Variants in PPP2R2B observed in about 807,000 individuals in gnomAD.
The protein encoded by PPP2R2B is protein phosphatase 2 regulatory subunit Bbeta, also known as serine/threonine-protein phosphatase 2A 55 kDa regulatory subunit B beta isoform.
In PPP2R2B, 5 loss-of-function variants were observed where a neutral mutation model predicts 46.0. That is an observed-to-expected ratio of 0.11 (90% CI 0.06 to 0.23). The LOEUF is 0.23. PPP2R2B is among the 10% of genes least tolerant of loss of function. PPP2R2B has a pLI of 1.00. For missense variants in PPP2R2B, 367 were observed against 575.0 expected, an observed-to-expected ratio of 0.64 and a Z score of 3.70; for synonymous variants, 215 against 206.7, an observed-to-expected ratio of 1.04 and a Z score of -0.34.
intron 5 of PPP2R2B, among the ~76,000 whole-genome samples, 196 bp from the exon 6 acceptor site, chr5:146,650,920 C>T (rs549013790): frequency 2.0e-5 from 3 of 152,332 alleles, no homozygotes; most frequent in Non-Finnish European, 4.4e-5. Context: ...CAAAAGATAT[C>T]ACCATCACTT....
At position 146,589,831 on chromosome 5, in the gene PPP2R2B, C is replaced by A. The variant is rs1018383222; in HGVS notation, c.*116G>T. 4 of 1,090,222 alleles carry A rather than the reference C, an allele frequency of 3.7e-6. No individual in the cohort carries two copies. In the African/African-American group the frequency reaches 4.7e-5, roughly 13 times the overall value. The allele number at this position is 1,090,222 out of a possible 1,614,324, so 67.5% of individuals were successfully genotyped here. On this transcript the variant is annotated 3_prime_UTR_variant, in exon 10 of 10. Coordinates refer to ENST00000394411, the MANE Select transcript of PPP2R2B (RefSeq NM_181675.4). ...GGACTCCTTTTAATTCTATTCCAAT[C>A]ATTTCCTGTATAGGGAAATTAAAGT... is the stretch of plus-strand genomic sequence containing the variant.
chr5:146,859,995 T>C (rs1278670383), intron 2 of PPP2R2B, among the ~76,000 whole-genome samples: 8 of 152,338 alleles, frequency 5.3e-5, no homozygotes, highest in East Asian at 3.9e-4. Context: ...TTCCATCTTA[T>C]TGGAGAGATT....
intron 2 of PPP2R2B, among the ~76,000 whole-genome samples, chr5:146,793,149 T>C (rs368945265): frequency 1.5e-4 from 23 of 152,290 alleles, no homozygotes; most frequent in South Asian, 8.3e-4. Context: ...GCATTGCATG[T>C]GGAGTGTGAA....
intron 2 of PPP2R2B, among the ~76,000 whole-genome samples, chr5:146,789,719 A>G (rs1323254697): frequency 6.6e-6 from 1 of 152,098 alleles, no homozygotes; most frequent in African/African-American, 2.4e-5. Flanking sequence ...GTGGTATAAG[A>G]TAATGATAAT....
intron 2 of PPP2R2B, among the ~76,000 whole-genome samples, chr5:146,838,840 C>T (rs1246052713): frequency 1.3e-5 from 2 of 152,160 alleles, no homozygotes; most frequent in Admixed American, 6.5e-5. Flanking sequence ...GAAACAAAAA[C>T]AAATGACTGC....
chr5:146,707,558 G>C (rs1290039101), intron 2 of PPP2R2B: 1 of 716,578 alleles, frequency 1.4e-6, no homozygotes, highest in Non-Finnish European at 2.6e-6. Context: ...CCGGGTGCCA[G>C]AGGTGGACAC....
intron 2 of PPP2R2B, among the ~76,000 whole-genome samples, chr5:147,063,067 G>C (rs1283503202): frequency 2.0e-5 from 3 of 148,678 alleles, no homozygotes. Flanking sequence ...GAAGAGAAGA[G>C]AAGGGAAAGG....
chr5:146,820,126 G>T (rs1383953555), intron 2 of PPP2R2B, among the ~76,000 whole-genome samples: 1 of 152,156 alleles, frequency 6.6e-6, no homozygotes, highest in Non-Finnish European at 1.5e-5. Flanking sequence ...AAGTTCTGGT[G>T]TTCTGTTGCA....
chr5:146,605,143 A>C (rs1283459201), intron 7 of PPP2R2B, among the ~76,000 whole-genome samples: 2 of 152,142 alleles, frequency 1.3e-5, no homozygotes, highest in Non-Finnish European at 2.9e-5. Context: ...GTACTTTTCC[A>C]CAAATTAGTC....
At chr5:146,838,265 C>A (rs2151363269) in intron 2 of PPP2R2B, among the ~76,000 whole-genome samples, 1 of 152,066 alleles carries the variant, frequency 6.6e-6, no homozygotes, top group South Asian at 2.1e-4. Context: ...TAGGGGATTT[C>A]CCAAGGTTAC....
intron 2 of PPP2R2B, among the ~76,000 whole-genome samples, chr5:146,871,563 G>A (rs1761618316): frequency 6.6e-6 from 1 of 152,198 alleles, no homozygotes; most frequent in African/African-American, 2.4e-5. Flanking sequence ...TCTGTTACTG[G>A]GTCGTAGAAT....
At chr5:147,068,359 T>C (rs1248145737) in intron 2 of PPP2R2B, among the ~76,000 whole-genome samples, 5 of 152,294 alleles carry the variant, frequency 3.3e-5, no homozygotes, top group Admixed American at 2.0e-4. Context: ...AGTCGTTTCA[T>C]TGGGATTCAA....
intron 5 of PPP2R2B, among the ~76,000 whole-genome samples, chr5:146,655,860 T>C (rs1204541889): frequency 1.5e-5 from 2 of 133,456 alleles, no homozygotes; most frequent in Non-Finnish European, 3.0e-5. Flanking sequence ...ACTACCAAGC[T>C]AGGCAGGGCT....
At chr5:147,015,109 T>G (rs1299332747) in intron 1 of PPP2R2B, among the ~76,000 whole-genome samples, 1 of 152,082 alleles carries the variant, frequency 6.6e-6, no homozygotes, top group Admixed American at 6.6e-5. Flanking sequence ...GGCAGGGATT[T>G]TTGTTGTTTT....
intron 6 of PPP2R2B, among the ~76,000 whole-genome samples, chr5:146,646,351 G>A (rs888151764): frequency 6.6e-6 from 1 of 152,154 alleles, no homozygotes; most frequent in African/African-American, 2.4e-5. Flanking sequence ...TCATAAAGAA[G>A]CAACATCTTT....
chr5:147,008,919 G>A (rs1444506057), intron 1 of PPP2R2B, among the ~76,000 whole-genome samples: 1 of 152,198 alleles, frequency 6.6e-6, no homozygotes, highest in Admixed American at 6.6e-5. Context: ...AAAAGCATCA[G>A]TGTGGGAAGT....
At position 146,734,609 on chromosome 5, in the gene PPP2R2B, T is replaced by C. The variant is rs909597937; in HGVS notation, c.71-33467A>G. ...CCAGTATTACCCCTCATCCTGGCCA[T>C]ATTCCAGACACCCCACCCCCTGGCC... is the stretch of plus-strand genomic sequence containing the variant. On this transcript the variant is annotated intron_variant, in intron 2 of 9. Coordinates refer to ENST00000394411, the MANE Select transcript of PPP2R2B (RefSeq NM_181675.4). 3.9e-5 allele frequency among the ~76,000 whole-genome samples: 6 copies of C among 152,238 alleles called. No individual in the cohort carries two copies. In the East Asian group the frequency reaches 9.7e-4, roughly 25 times the overall value.
intron 2 of PPP2R2B, among the ~76,000 whole-genome samples, chr5:146,808,347 T>G (rs891194005): frequency 6.6e-6 from 1 of 152,214 alleles, no homozygotes; most frequent in Non-Finnish European, 1.5e-5. Context: ...ATTTCCATCG[T>G]CAGAGCAAGT....
intron 1 of PPP2R2B, among the ~76,000 whole-genome samples, chr5:146,934,509 G>A (rs190356367): frequency 2.9e-4 from 41 of 141,574 alleles, no homozygotes; most frequent in East Asian, 8.6e-4. Flanking sequence ...CATGTCCTTC[G>A]CCCACTTTTT....
Sources: allele counts gnomAD v4.1 joint callset (sites outside exome capture counted in the v4.1 genomes callset), GRCh38; gene constraint gnomAD v4.1.1; transcripts MANE v1.5; gene names NCBI Gene and HGNC (gene_info 2026-07-23, HGNC 2026-07-21).